Variants in ATL2 observed in about 807,000 individuals in gnomAD.
ATL2 encodes the protein atlastin-2.
ATL2 carries 31 observed loss-of-function variants against 73.9 expected under a neutral mutation model. The ratio of observed to expected loss-of-function variants is 0.42; its 90% confidence interval spans 0.32 to 0.57. The LOEUF is 0.57. ATL2 is among the 20% of genes least tolerant of loss of function. The pLI, the probability that ATL2 is intolerant of heterozygous loss-of-function variation, is 0.14. For synonymous variants in ATL2, 291 were observed against 237.5 expected (o/e 1.23, Z -2.07); for missense variants, 738 against 702.6 (o/e 1.05, Z -0.57).
intron 2 of ATL2, among the ~76,000 whole-genome samples, chr2:38,329,423 C>CA (rs70954711): frequency 0.12 from 1,600 of 13,638 alleles, 356 homozygotes; most frequent in Non-Finnish European, 0.17. Context: ...ACTCCATCTC[C>CA]AAAAAAAAAA....
chr2:38,358,265 T>G (rs868458636), intron 1 of ATL2, among the ~76,000 whole-genome samples: 5 of 152,218 alleles, frequency 3.3e-5, no homozygotes, highest in African/African-American at 1.2e-4. Context: ...TAAACTGTAA[T>G]GCTCTATTTT....
intron 2 of ATL2, among the ~76,000 whole-genome samples, chr2:38,327,540 C>CAAAAAAAAAAAAAAAAAAACA (rs56332855): frequency 1.1e-5 from 1 of 89,960 alleles, no homozygotes; most frequent in Non-Finnish European, 2.4e-5. Context: ...AAAAAAAGTA[C>CAAAAAAAAAAAAAAAAAAACA]AAAAAAAAAA....
At chr2:38,348,254 G>A (rs937167308) in intron 1 of ATL2, among the ~76,000 whole-genome samples, 1 of 151,972 alleles carries the variant, frequency 6.6e-6, no homozygotes, top group Non-Finnish European at 1.5e-5. Flanking sequence ...ATCACCTAAA[G>A]TCAGGAGTTT....
chr2:38,355,844 C>A (rs1334484337), intron 1 of ATL2, among the ~76,000 whole-genome samples: 1 of 151,700 alleles, frequency 6.6e-6, no homozygotes, highest in Non-Finnish European at 1.5e-5. Context: ...GGATTACAGG[C>A]ACGCACCACC....
At chr2:38,364,046 G>C (rs1671161836) in intron 1 of ATL2, among the ~76,000 whole-genome samples, 1 of 152,140 alleles carries the variant, frequency 6.6e-6, no homozygotes, top group Admixed American at 6.5e-5. Flanking sequence ...GGCAGATCAT[G>C]AGGTCAGGAG....
At chr2:38,314,555 G>T in intron 6 of ATL2, 53 bp downstream of exon 6, 1 of 1,297,812 alleles carries the variant, frequency 7.7e-7, no homozygotes, top group Non-Finnish European at 1.1e-6. Context: ...AACTGAGGTG[G>T]CTTCACAACT....
chr2:38,322,331 A>G (rs1433317516), intron 2 of ATL2, among the ~76,000 whole-genome samples: 2 of 152,218 alleles, frequency 1.3e-5, no homozygotes, highest in African/African-American at 2.4e-5. Context: ...AAGTTTCACA[A>G]AAGTTTTGTT....
chr2:38,333,265 G>A (rs1205653267), intron 2 of ATL2, among the ~76,000 whole-genome samples: 1 of 151,986 alleles, frequency 6.6e-6, no homozygotes, highest in African/African-American at 2.4e-5. Context: ...CTCCAGCCTG[G>A]GCAACAGAGC....
chr2:38,322,983 C>G (rs1219519586), intron 2 of ATL2, among the ~76,000 whole-genome samples: 3 of 152,228 alleles, frequency 2.0e-5, no homozygotes, highest in Admixed American at 6.5e-5. Context: ...TGAACACTGA[C>G]AGCTTTCATA....
intron 1 of ATL2, among the ~76,000 whole-genome samples, chr2:38,363,389 T>C (rs1022777022): frequency 2.0e-5 from 3 of 150,674 alleles, no homozygotes; most frequent in African/African-American, 7.3e-5. Flanking sequence ...GGGTTATTTA[T>C]CATCTTTATA....
rs1184952646 is a variant in ATL2, at chr2:38,295,951, G to A, written c.*43C>T. ...TATTTGAGTTCTCATTGTACAGCAAGCATGAAAAAAAAAGAGAGTGGAGTC... is the reference window on the plus strand; with the variant it reads ...TATTTGAGTTCTCATTGTACAGCAAACATGAAAAAAAAAGAGAGTGGAGTC... On this transcript the variant is annotated 3_prime_UTR_variant, in exon 13 of 13. Coordinates refer to ENST00000378954, the MANE Select transcript of ATL2 (RefSeq NM_001135673.4). 1 of 1,439,356 alleles carries A rather than the reference G, an allele frequency of 6.9e-7. No homozygotes were observed. Among genetic ancestry groups the A allele is most frequent in the Non-Finnish European group, 9.5e-7 (1 of 1,053,650 alleles). 89.2% of individuals were successfully genotyped at this position (1,439,356 alleles called of 1,614,324 possible).
intron 1 of ATL2, 68 bp downstream of exon 1, chr2:38,377,075 C>T: frequency 2.0e-6 from 3 of 1,498,526 alleles, no homozygotes; most frequent in African/African-American, 1.5e-5. Flanking sequence ...CGGCCGGTGC[C>T]CGCGAGCCCG....
chr2:38,376,328 GGTACACGTACA>G, intron 1 of ATL2: 1 of 1,148,512 alleles, frequency 8.7e-7, no homozygotes, highest in Non-Finnish European at 1.2e-6. Context: ...GGGCGCTCCT[GGTACACGTACA>G]GTAGGAGCTC....
chr2:38,296,762 A>G, intron 12 of ATL2: 2 of 1,549,594 alleles, frequency 1.3e-6, no homozygotes, highest in Non-Finnish European at 1.7e-6. Flanking sequence ...CACAGCACAG[A>G]TCTCTGACTA....
intron 1 of ATL2, among the ~76,000 whole-genome samples, chr2:38,353,245 C>A (rs549183385): frequency 6.6e-6 from 1 of 151,710 alleles, no homozygotes; most frequent in African/African-American, 2.4e-5. Context: ...GAGTCTCAGC[C>A]AAAAAACTAT....
At chr2:38,318,781 G>T (rs1377690262) in intron 3 of ATL2, 104 bp downstream of exon 3, 1 of 1,392,408 alleles carries the variant, frequency 7.2e-7, no homozygotes, top group Non-Finnish European at 9.9e-7. Flanking sequence ...TAATCCGTAT[G>T]TTAAAGTTAT....
At chr2:38,303,206 TTTTTA>T (rs1667274142) in intron 9 of ATL2, among the ~76,000 whole-genome samples, 3 of 152,050 alleles carry the variant, frequency 2.0e-5, no homozygotes, top group Non-Finnish European at 2.9e-5. Flanking sequence ...CCAAACCTCT[TTTTTA>T]TTTTATTTTT....
chr2:38,349,735 G>A (rs186504000), intron 1 of ATL2, among the ~76,000 whole-genome samples: 3 of 151,816 alleles, frequency 2.0e-5, no homozygotes, highest in Admixed American at 6.6e-5. Context: ...TTGTTAACTC[G>A]AAAATTCACC....
intron 7 of ATL2, 31 bp from the exon 8 acceptor site, chr2:38,310,478 A>G (rs1331910409): frequency 1.3e-6 from 2 of 1,567,504 alleles, no homozygotes; most frequent in East Asian, 2.3e-5. Context: ...GTGAAATTGT[A>G]AACAGAAGAA....
Sources: allele counts gnomAD v4.1 joint callset (sites outside exome capture counted in the v4.1 genomes callset), GRCh38; gene constraint gnomAD v4.1.1; transcripts MANE v1.5; gene names NCBI Gene and HGNC (gene_info 2026-07-23, HGNC 2026-07-21).